The following VDAC1 variants were observed in gnomAD, a reference collection of about 807,000 sequenced individuals.
VDAC1 encodes the protein non-selective voltage-gated ion channel VDAC1.
VDAC1 carries 10 observed loss-of-function variants against 34.7 expected under a neutral mutation model. That is an observed-to-expected ratio of 0.29 (90% CI 0.18 to 0.49). The LOEUF is 0.49. VDAC1 is among the 20% of genes least tolerant of loss of function. VDAC1 has a pLI of 0.99. For missense variants in VDAC1, 230 were observed against 347.9 expected, an observed-to-expected ratio of 0.66 and a Z score of 2.69; for synonymous variants, 130 against 136.0, an observed-to-expected ratio of 0.96 and a Z score of 0.30.
At chr5:134,038,747 C>T in the VDAC1 span, among the ~76,000 whole-genome samples, 1 of 152,216 alleles carries the variant, frequency 6.6e-6, no homozygotes, top group African/African-American at 2.4e-5. Context: ...TAAAGTAGTT[C>T]TGCTTTGCAG....
At chr5:134,047,935 CTT>C in the VDAC1 span, among the ~76,000 whole-genome samples, 16 of 143,632 alleles carry the variant, frequency 1.1e-4, no homozygotes, top group Admixed American at 1.4e-4. Context: ...TCATTTTTCT[CTT>C]TTTTTTTTTT....
At chr5:133,984,389 A>G (rs1752823281) in intron 5 of VDAC1, among the ~76,000 whole-genome samples, 1 of 148,676 alleles carries the variant, frequency 6.7e-6, no homozygotes, top group Non-Finnish European at 1.5e-5. Flanking sequence ...ATGCAAGGAC[A>G]AGACTATAGG....
At chr5:134,045,276 T>C in the VDAC1 span, among the ~76,000 whole-genome samples, 1 of 152,350 alleles carries the variant, frequency 6.6e-6, no homozygotes, top group African/African-American at 2.4e-5. Flanking sequence ...ACGCCAGTTA[T>C]CTACAGAGAG....
rs561993844 is a variant in VDAC1 at position 133,981,007 on chromosome 5, G to A, written c.324-51C>T. On this transcript the variant is annotated intron_variant, in intron 5 of 8. Coordinates refer to ENST00000265333, the MANE Select transcript of VDAC1 (RefSeq NM_003374.3). ...ATCAGAAGCTAACTCACCTTGAAAT[G>A]CAAGTTGTCTTTTTTTTTTTTTTAA... is the stretch of plus-strand genomic sequence containing the variant. The A allele has an allele frequency of 1.3e-5, 19 of 1,467,246 alleles. No individual in the cohort carries two copies. In the East Asian group the frequency reaches 3.6e-4, roughly 28 times the overall value. The allele number at this position is 1,467,246 out of a possible 1,614,324, so 90.9% of individuals were successfully genotyped here.
intron 1 of VDAC1, among the ~76,000 whole-genome samples, chr5:133,997,080 C>A (rs968697628): frequency 1.3e-5 from 2 of 152,066 alleles, no homozygotes; most frequent in South Asian, 4.2e-4. Flanking sequence ...GCTCACTTAA[C>A]CAGCAGTCTG....
the VDAC1 span, among the ~76,000 whole-genome samples, chr5:134,047,408 C>T: frequency 2.0e-5 from 3 of 151,954 alleles, no homozygotes; most frequent in African/African-American, 4.8e-5. Flanking sequence ...GGATGGTTCC[C>T]GAAGGACTGG....
the VDAC1 span, among the ~76,000 whole-genome samples, chr5:134,047,443 G>C: frequency 6.6e-6 from 1 of 152,114 alleles, no homozygotes; most frequent in Non-Finnish European, 1.5e-5. Context: ...CCCAAGCCGT[G>C]AGTGGGGCCT....
the VDAC1 span, among the ~76,000 whole-genome samples, chr5:134,056,901 G>A: frequency 1.8e-4 from 27 of 151,710 alleles, no homozygotes; most frequent in Admixed American, 1.1e-3. Flanking sequence ...GGCTGGTCTC[G>A]AACTCCTGAA....
chr5:134,083,188 T>C, the VDAC1 span, among the ~76,000 whole-genome samples: 1 of 149,708 alleles, frequency 6.7e-6, no homozygotes, highest in East Asian at 1.9e-4. Flanking sequence ...TTCTTTTTTT[T>C]TCTTTTTTTT....
chr5:134,080,551 ACCGAGG>A, the VDAC1 span, among the ~76,000 whole-genome samples: 1 of 152,152 alleles, frequency 6.6e-6, no homozygotes, highest in Non-Finnish European at 1.5e-5. Flanking sequence ...AGGTTAAGTC[ACCGAGG>A]TACCATACCG....
the VDAC1 span, among the ~76,000 whole-genome samples, chr5:134,106,698 G>A: frequency 1.3e-5 from 2 of 152,004 alleles, no homozygotes; most frequent in African/African-American, 4.8e-5. Flanking sequence ...GAGCCACCGC[G>A]CCTGGCCCGT....
the VDAC1 span, among the ~76,000 whole-genome samples, chr5:134,014,249 C>T: frequency 6.6e-6 from 1 of 151,972 alleles, no homozygotes; most frequent in East Asian, 1.9e-4. Flanking sequence ...GAGATCGTGC[C>T]ACCACACTCC....
the VDAC1 span, among the ~76,000 whole-genome samples, chr5:134,028,347 G>T: frequency 1.3e-5 from 2 of 151,658 alleles, no homozygotes; most frequent in Non-Finnish European, 2.9e-5. Flanking sequence ...TGGCCAGGCT[G>T]GTCTCGAACT....
At chr5:134,051,369 G>A in the VDAC1 span, among the ~76,000 whole-genome samples, 3 of 152,228 alleles carry the variant, frequency 2.0e-5, no homozygotes, top group Non-Finnish European at 4.4e-5. Context: ...GGATGCTTCT[G>A]CAGGTTAGGG....
chr5:134,102,079 C>T, the VDAC1 span, among the ~76,000 whole-genome samples: 8 of 152,312 alleles, frequency 5.3e-5, no homozygotes, highest in Admixed American at 2.0e-4. Flanking sequence ...GAGCGGTTTC[C>T]TTTTGAGGGT....
At chr5:134,057,231 G>A in the VDAC1 span, among the ~76,000 whole-genome samples, 3 of 152,252 alleles carry the variant, frequency 2.0e-5, no homozygotes, top group Middle Eastern at 0.01. Context: ...TGTAATCCCA[G>A]CACTCTGAGA....
the VDAC1 span, among the ~76,000 whole-genome samples, chr5:134,075,526 A>G: frequency 6.6e-6 from 1 of 152,144 alleles, no homozygotes; most frequent in Non-Finnish European, 1.5e-5. Context: ...CTATTCATAC[A>G]CTACTCACTA....
the VDAC1 span, among the ~76,000 whole-genome samples, chr5:134,105,999 G>A: frequency 2.0e-5 from 3 of 152,320 alleles, no homozygotes; most frequent in East Asian, 3.9e-4. Flanking sequence ...TTCCTCTGCC[G>A]GCTGATGTGT....
intron 6 of VDAC1, among the ~76,000 whole-genome samples, chr5:133,977,791 A>C (rs998145064): frequency 6.6e-6 from 1 of 152,222 alleles, no homozygotes; most frequent in Non-Finnish European, 1.5e-5. Context: ...TGGGATGAGC[A>C]GGCTGAGGCA....
Sources: gnomAD v4.1 joint callset for allele counts (sites outside exome capture counted in the v4.1 genomes callset) on GRCh38, gnomAD v4.1.1 for gene constraint, MANE v1.5 for transcripts, NCBI Gene and HGNC (gene_info 2026-07-23, HGNC 2026-07-21) for gene names.